The following MDGA2 variants were observed in gnomAD, a reference collection of about 807,000 sequenced individuals.
The protein encoded by MDGA2 is MAM domain containing glycosylphosphatidylinositol anchor 2.
A neutral mutation model predicts 117.8 loss-of-function variants in MDGA2; 40 were observed. That is an observed-to-expected ratio of 0.34 (90% confidence interval 0.26 to 0.44). MDGA2 has a LOEUF of 0.44. MDGA2 is among the 20% of genes least tolerant of loss of function. The pLI is 1.00. For synonymous variants in MDGA2, 452 were observed against 439.0 expected (o/e 1.03, Z -0.37); for missense variants, 1,123 against 1,250.6 (o/e 0.90, Z 1.54).
chr14:47,211,624 C>T (rs1885887471), intron 3 of MDGA2, among the ~76,000 whole-genome samples: 1 of 152,112 alleles, frequency 6.6e-6, no homozygotes, highest in Non-Finnish European at 1.5e-5. Context: ...CAAATCTGCC[C>T]TCTTCCCTAA....
intron 1 of MDGA2, among the ~76,000 whole-genome samples, chr14:47,485,083 T>C (rs1042336581): frequency 2.0e-5 from 3 of 151,730 alleles, no homozygotes; most frequent in South Asian, 2.1e-4. Flanking sequence ...CAAGCAGAGG[T>C]TGAAACAGTT....
intron 2 of MDGA2, among the ~76,000 whole-genome samples, chr14:47,249,054 T>C (rs970495977): frequency 6.7e-6 from 1 of 150,046 alleles, no homozygotes; most frequent in African/African-American, 2.5e-5. Context: ...AGTCTCGCTC[T>C]GTCACCAGGC....
chr14:47,590,724 T>C (rs1041512602), intron 1 of MDGA2, among the ~76,000 whole-genome samples: 6 of 152,030 alleles, frequency 3.9e-5, no homozygotes, highest in South Asian at 2.1e-4. Flanking sequence ...GTGATTATTG[T>C]ACATTGTATG....
At chr14:46,847,812 A>G (rs1331794460) in intron 15 of MDGA2, among the ~76,000 whole-genome samples, 1 of 152,008 alleles carries the variant, frequency 6.6e-6, no homozygotes, top group African/African-American at 2.4e-5. Flanking sequence ...ATTATTATTC[A>G]TACTTATTTA....
intron 1 of MDGA2, among the ~76,000 whole-genome samples, chr14:47,654,748 C>T (rs541048613): frequency 6.6e-6 from 1 of 151,914 alleles, no homozygotes; most frequent in Admixed American, 6.6e-5. Flanking sequence ...TACAAATTAA[C>T]CCAGCAATGA....
Position 47,173,097 on chromosome 14 carries a change from G to GA in MDGA2, c.596-28824dup, listed in dbSNP as rs1375129272. 2.0e-5 allele frequency among the ~76,000 whole-genome samples: 3 copies of GA among 152,072 alleles called. No homozygotes were observed. In the East Asian group the frequency reaches 5.8e-4, roughly 29 times the overall value. ...AATGAAGCGAGAAGGGAAGTTTAGA[G>GA]AAAAAAGAATAAAAAGAAACAAACA... On this transcript the variant is annotated intron_variant, in intron 3 of 16. Coordinates refer to ENST00000399232, the MANE Select transcript of MDGA2 (RefSeq NM_001113498.3).
intron 1 of MDGA2, among the ~76,000 whole-genome samples, chr14:47,436,972 C>T (rs926234001): frequency 6.6e-6 from 1 of 152,156 alleles, no homozygotes; most frequent in African/African-American, 2.4e-5. Flanking sequence ...CACAGTACTT[C>T]CCATTCTGCA....
At position 46,968,281 on chromosome 14, in the gene MDGA2, C is replaced by T. The variant is rs1886115834; in HGVS notation, c.1820-10638G>A. Among the ~76,000 whole-genome samples the T allele has an allele frequency of 2.0e-5, 3 of 152,144 alleles. No homozygotes were observed. In the South Asian group the frequency reaches 6.2e-4, roughly 31 times the overall value. ...TGCCTGCCTAAGCTGCTCCCACTGA[C>T]AGTGGTTCCACCCTCTCCAGAGACA... On this transcript the variant is annotated intron_variant, in intron 8 of 16. Coordinates refer to ENST00000399232, the MANE Select transcript of MDGA2 (RefSeq NM_001113498.3).
At chr14:46,864,545 G>GTATTTTTTTTTT (rs1881653108) in intron 14 of MDGA2, among the ~76,000 whole-genome samples, 1 of 51,472 alleles carries the variant, frequency 1.9e-5, no homozygotes, top group Non-Finnish European at 3.9e-5. Context: ...AGATATTGCT[G>GTATTTTTTTTTT]TTTTTTTTTT....
chr14:47,163,848 A>G lies in MDGA2; in HGVS notation c.596-19574T>C, dbSNP rs113266761. Among the ~76,000 whole-genome samples, 1,282 of 152,310 alleles carry G rather than the reference A, an allele frequency of 8.4e-3. 16 individuals are homozygous for G. The highest frequency in any genetic ancestry group is 0.029 in the African/African-American group (1,208 of 41,580). On this transcript the variant is annotated intron_variant, in intron 3 of 16. Transcript: ENST00000399232. ...ATGTTGTTTCCTGGGAAGCAGGAGCAATTGTGCTAATTACAGCACCCTGAA... is the reference window on the plus strand; with the variant it reads ...ATGTTGTTTCCTGGGAAGCAGGAGCGATTGTGCTAATTACAGCACCCTGAA...
At chr14:47,209,325 T>G (rs549560217) in intron 3 of MDGA2, among the ~76,000 whole-genome samples, 6 of 152,152 alleles carry the variant, frequency 3.9e-5, no homozygotes, top group African/African-American at 1.2e-4. Flanking sequence ...ACAGACTAAT[T>G]GAAGTGGCCT....
intron 1 of MDGA2, among the ~76,000 whole-genome samples, chr14:47,605,620 T>C (rs1191663807): frequency 6.6e-6 from 1 of 152,040 alleles, no homozygotes; most frequent in East Asian, 1.9e-4. Flanking sequence ...CATAGTGTTA[T>C]AGATAAGCTT....
intron 1 of MDGA2, among the ~76,000 whole-genome samples, chr14:47,648,536 T>C (rs1336008396): frequency 6.6e-6 from 1 of 151,910 alleles, no homozygotes; most frequent in Non-Finnish European, 1.5e-5. Flanking sequence ...TAATCAAAAA[T>C]AAATAGAGGG....
At chr14:47,622,129 T>G (rs536898501) in intron 1 of MDGA2, among the ~76,000 whole-genome samples, 3 of 152,234 alleles carry the variant, frequency 2.0e-5, no homozygotes, top group Admixed American at 1.3e-4. Context: ...ATTCCTGATA[T>G]GCCTAGAAGA....
chr14:47,370,382 G>T (rs1040001470), intron 1 of MDGA2, among the ~76,000 whole-genome samples: 10 of 147,232 alleles, frequency 6.8e-5, no homozygotes, highest in African/African-American at 1.2e-4. Flanking sequence ...TTTAACATAG[G>T]TTACAAAACC....
intron 1 of MDGA2, among the ~76,000 whole-genome samples, chr14:47,416,255 A>G (rs1252284680): frequency 6.6e-6 from 1 of 151,932 alleles, no homozygotes; most frequent in South Asian, 2.1e-4. Context: ...CCATGATACA[A>G]CAGTGAAACA....
intron 1 of MDGA2, among the ~76,000 whole-genome samples, chr14:47,565,973 G>A (rs996315695): frequency 4.6e-5 from 7 of 152,180 alleles, no homozygotes; most frequent in Non-Finnish European, 5.9e-5. Context: ...ATGTGTTTGC[G>A]CCAGCAATGG....
At chr14:47,060,166 T>C (rs1889831830) in intron 7 of MDGA2, among the ~76,000 whole-genome samples, 1 of 152,106 alleles carries the variant, frequency 6.6e-6, no homozygotes, top group African/African-American at 2.4e-5. Flanking sequence ...CAAGTACTTT[T>C]CATCACCCTA....
intron 1 of MDGA2, among the ~76,000 whole-genome samples, chr14:47,662,108 C>G (rs1897861371): frequency 6.6e-6 from 1 of 152,092 alleles, no homozygotes; most frequent in South Asian, 2.1e-4. Context: ...CACAAATATT[C>G]AAACACAAAC....
Sources: allele counts gnomAD v4.1 joint callset (sites outside exome capture counted in the v4.1 genomes callset), GRCh38; gene constraint gnomAD v4.1.1; transcripts MANE v1.5; gene names NCBI Gene and HGNC (gene_info 2026-07-23, HGNC 2026-07-21).